Variants in UFL1 observed in about 807,000 individuals in gnomAD.
UFL1 encodes the protein E3 UFM1-protein ligase 1.
Under a neutral mutation model 99.3 loss-of-function variants are expected in UFL1, and 78 were observed. The ratio of observed to expected loss-of-function variants is 0.79; its 90% CI spans 0.65 to 0.95. UFL1 has a LOEUF of 0.95. Among genes scored for constraint, UFL1 ranks in the 40% least tolerant of loss-of-function variants. The pLI is 0.00. For missense variants in UFL1, 936 were observed against 937.0 expected (o/e 1.00, Z 0.01); for synonymous variants, 335 against 322.2 (o/e 1.04, Z -0.42).
chr6:96,549,443 C>A lies in UFL1; in HGVS notation c.1552C>A (p.Arg518Ser). 1 of 1,596,368 alleles carries A rather than the reference C, an allele frequency of 6.3e-7. No homozygotes were observed. Among genetic ancestry groups the A allele is most frequent in the Non-Finnish European group, 8.5e-7 (1 of 1,175,166 alleles). The change falls in exon 14 of 19, where the codon CGT becomes AGT. Residue 518 changes from arginine to serine, a missense_variant. Arg to Ser is a moderately radical substitution (Grantham distance 110). Coordinates refer to ENST00000369278, the MANE Select transcript of UFL1 (RefSeq NM_015323.5). ...PLNKTYLEVV[R>S]SVFMSSTTSA... ...TAATAAAACTTATCTCGAGGTGGTA[C>A]GTTCAGTATTCATGTCTTCAACAAC... is the stretch of plus-strand genomic sequence containing the variant.
At position 96,552,567 on chromosome 6, in the gene UFL1, G is replaced by C. The variant is rs1770098327; in HGVS notation, c.2071G>C (p.Val691Leu). ...DPALILHLTSVLLFQFSTHSM... is the reference protein window; with the variant it reads ...DPALILHLTSLLLFQFSTHSM... ...TGCTCTTATTCTGCACCTCACATCA[G>C]TCCTGTTGTTTCAGTTTTCAACCCA... The change falls in exon 18 of 19, where the codon GTC (valine) becomes CTC (leucine). Residue 691 changes from valine to leucine, a missense_variant. Physicochemically the swap from Val to Leu is conservative, Grantham distance 32. Coordinates refer to ENST00000369278, the MANE Select transcript of UFL1 (RefSeq NM_015323.5). 6.2e-7 allele frequency: 1 copy of C among 1,612,824 alleles called. No homozygotes were observed. Among genetic ancestry groups the C allele is most frequent in the African/African-American group, 1.3e-5 (1 of 74,634 alleles).
At chr6:96,533,096 TA>T (rs1232265665) in intron 6 of UFL1, among the ~76,000 whole-genome samples, 1 of 152,028 alleles carries the variant, frequency 6.6e-6, no homozygotes, top group Non-Finnish European at 1.5e-5. Context: ...TTATATGCAT[TA>T]AAAATGAAAA....
In UFL1 at chr6:96,534,275, G is replaced by A. The variant is rs377370394; in HGVS notation, c.609G>A (p.Val203=). Residue 203 remains valine (V), a synonymous_variant, in exon 7 of 19, where the codon GTG becomes GTA. Coordinates refer to ENST00000369278, the MANE Select transcript of UFL1 (RefSeq NM_015323.5). ...ACTTTCCATAAAGGCCTACAGCTGTGAATTCTTTGATTTCAAAATATGGAT... is the reference window on the plus strand; with the variant it reads ...ACTTTCCATAAAGGCCTACAGCTGTAAATTCTTTGATTTCAAAATATGGAT... ...LFSAITRPTA[V]NSLISKYGFQ... The A allele has an allele frequency of 3.6e-5, 56 of 1,571,214 alleles. No homozygotes were observed. The Middle Eastern group carries it at 1.5e-3, about 43-fold the overall frequency.
At chr6:96,549,930 G>A in intron 15 of UFL1, 131 bp downstream of exon 15, 1 of 1,292,800 alleles carries the variant, frequency 7.7e-7, no homozygotes, top group South Asian at 1.5e-5. Flanking sequence ...AAATCTAAAA[G>A]TTTTTTATTC....
At chr6:96,548,989 T>C (rs1414882976) in intron 13 of UFL1, among the ~76,000 whole-genome samples, 3 of 151,680 alleles carry the variant, frequency 2.0e-5, no homozygotes, top group Non-Finnish European at 1.5e-5. Flanking sequence ...AAAAATGAAA[T>C]AGTTACTACT....
chr6:96,547,600 A>C (rs1053855901), intron 12 of UFL1, among the ~76,000 whole-genome samples: 1 of 151,680 alleles, frequency 6.6e-6, no homozygotes, highest in Non-Finnish European at 1.5e-5. Flanking sequence ...TGGATTAAGA[A>C]AATGTGGTGT....
At chr6:96,553,241 A>G (rs1470154679) in intron 18 of UFL1, 44 bp from the exon 19 acceptor site, 4 of 1,568,448 alleles carry the variant, frequency 2.6e-6, no homozygotes, top group Non-Finnish European at 3.5e-6. Context: ...CTGTTCCACA[A>G]AAAGATAAAT....
intron 12 of UFL1, among the ~76,000 whole-genome samples, chr6:96,543,768 A>T (rs1025307416): frequency 6.6e-6 from 1 of 151,076 alleles, no homozygotes; most frequent in East Asian, 1.9e-4. Context: ...TTTATAAGGC[A>T]TAGGAAAGGT....
At chr6:96,551,134 C>T (rs1484534480) in intron 15 of UFL1, among the ~76,000 whole-genome samples, 1 of 151,936 alleles carries the variant, frequency 6.6e-6, no homozygotes, top group South Asian at 2.1e-4. Context: ...CACCCTCTTC[C>T]TACTCTAATG....
At chr6:96,553,252 T>G in intron 18 of UFL1, 33 bp from the exon 19 acceptor site, 1 of 1,581,014 alleles carries the variant, frequency 6.3e-7, no homozygotes. Context: ...AAAGATAAAT[T>G]GTGTTGATTA....
chr6:96,525,859 A>C (rs552896666), intron 4 of UFL1, among the ~76,000 whole-genome samples: 10 of 152,024 alleles, frequency 6.6e-5, no homozygotes, highest in Non-Finnish European at 1.3e-4. Flanking sequence ...ACAAATTTCC[A>C]CTTAAAAAAA....
In UFL1 at chr6:96,542,926, G is replaced by A; in HGVS notation, c.1312G>A (p.Gly438Ser). 2 of 1,598,038 alleles carry A rather than the reference G, an allele frequency of 1.3e-6. No homozygotes were observed. The highest frequency in any genetic ancestry group is 2.3e-5 in the East Asian group (1 of 44,148). Residue 438 changes from glycine (G) to serine (S), a missense_variant, in exon 12 of 19, where the codon GGC (glycine) becomes AGC (serine). By Grantham distance (56) the Gly-to-Ser change is moderately conservative (BLOSUM62 0). Transcript: ENST00000369278. ...GSGSMRGGGG[G>S]NAREYKIKKV... ...TGGAAGCATGAGAGGAGGAGGTGGG[G>A]GCAATGCCAGAGAGTACAAAATTAA... is the stretch of plus-strand genomic sequence containing the variant.
At chr6:96,531,610 G>C (rs1769783763) in intron 6 of UFL1, among the ~76,000 whole-genome samples, 1 of 152,116 alleles carries the variant, frequency 6.6e-6, no homozygotes, top group Non-Finnish European at 1.5e-5. Context: ...CTGGGTAGCT[G>C]GGTGGTAGGA....
chr6:96,525,327 A>T lies in UFL1; in HGVS notation c.283A>T (p.Asn95Tyr). Residue 95 changes from asparagine to tyrosine, a missense_variant, in exon 4 of 19, where the codon AAT becomes TAT. Asn to Tyr is a moderately radical substitution (Grantham distance 143). Coordinates refer to ENST00000369278, the MANE Select transcript of UFL1 (RefSeq NM_015323.5). ...TAATGTGGACCTGATTCATATTGAA[A>T]ATAGAATTGGTGACATTATTAAATC... ...VINVDLIHIENRIGDIIKSEK... is the reference protein window; with the variant it reads ...VINVDLIHIEYRIGDIIKSEK... 6.2e-7 allele frequency: 1 copy of T among 1,609,390 alleles called. No homozygotes were observed. Among genetic ancestry groups the T allele is most frequent in the South Asian group, 1.1e-5 (1 of 89,892 alleles).
At chr6:96,549,233 G>A (rs1289509363) in intron 13 of UFL1, among the ~76,000 whole-genome samples, 179 bp from the exon 14 acceptor site, 1 of 151,556 alleles carries the variant, frequency 6.6e-6, no homozygotes. Context: ...ATCTATTTCT[G>A]TCTTAATTCC....
In UFL1 at chr6:96,537,621, G is replaced by T. The variant is rs1582441268; in HGVS notation, c.978+72G>T. The T allele has an allele frequency of 3.6e-6, 5 of 1,399,934 alleles. No homozygotes were observed. In the East Asian group the frequency reaches 1.3e-4, roughly 37 times the overall value. 86.7% of individuals were successfully genotyped at this position (1,399,934 alleles called of 1,614,324 possible). On this transcript the variant is annotated intron_variant, in intron 9 of 18. Coordinates refer to ENST00000369278, the MANE Select transcript of UFL1 (RefSeq NM_015323.5). ...TATTTTACTAATATTTGACCATTTA[G>T]AAATTAGGATACATAAAGGTGGTCT... is the stretch of plus-strand genomic sequence containing the variant.
chr6:96,549,819 A>C lies in UFL1; in HGVS notation c.1818+20A>C, dbSNP rs774043826. The stretch of plus-strand genomic sequence containing the variant: ...AGTGAAGTATGTTAATGATCTCCCT[A>C]CCACTATTGATGTGTTCTGTTTTGC... On this transcript the variant is annotated intron_variant, in intron 15 of 18. Transcript: ENST00000369278. The C allele has an allele frequency of 6.2e-7, 1 of 1,609,400 alleles. No homozygotes were observed. Among genetic ancestry groups the C allele is most frequent in the Non-Finnish European group, 8.5e-7 (1 of 1,177,386 alleles).
In UFL1 at chr6:96,553,779, T is replaced by G. The variant is rs1019837907; in HGVS notation, c.*276T>G. The G allele has an allele frequency of 6.5e-6, 2 of 306,970 alleles. No individual in the cohort carries two copies. Among genetic ancestry groups the G allele is most frequent in the Non-Finnish European group, 1.2e-5 (2 of 165,966 alleles). 19.0% of individuals were successfully genotyped at this position (306,970 alleles called of 1,614,324 possible). A position where few individuals can be genotyped will look rare whatever the true frequency, so the allele number is the denominator to read the frequency against. ...CATTATTTTCACATAATTTTAAAAA[T>G]TACATATTTCAGGTTTGTTCTCTTT... On this transcript the variant is annotated 3_prime_UTR_variant, in exon 19 of 19. Transcript: ENST00000369278.
In UFL1 at chr6:96,548,206, T is replaced by C. The variant is rs1032011024; in HGVS notation, c.1445T>C (p.Ile482Thr). 8.1e-6 allele frequency: 13 copies of C among 1,607,426 alleles called. No individual in the cohort carries two copies. Among genetic ancestry groups the C allele is most frequent in the East Asian group, 2.2e-5 (1 of 44,556 alleles). The change falls in exon 13 of 19, where the codon ATT becomes ACT. Residue 482 changes from isoleucine (I) to threonine (T), a missense_variant. Ile to Thr is a moderately conservative substitution (Grantham distance 89). Transcript: ENST00000369278. ...ATCAGTTTTATGTTCCAGGATGAGA[T>C]TGAAGATTTTTTAAGAAAACACATA... ...PEISFMFQDE[I>T]EDFLRKHIQD...
Sources: allele counts gnomAD v4.1 joint callset (sites outside exome capture counted in the v4.1 genomes callset), GRCh38; gene constraint gnomAD v4.1.1; transcripts MANE v1.5; gene names NCBI Gene and HGNC (gene_info 2026-07-23, HGNC 2026-07-21).